The following CCDC40 variants were observed in gnomAD, a reference collection of about 807,000 sequenced individuals.
CCDC40 encodes coiled-coil domain-containing protein 40.
CCDC40 carries 104 observed loss-of-function variants against 124.5 expected under a neutral mutation model. That is an observed-to-expected ratio of 0.84 (90% CI 0.71 to 0.98). The LOEUF (loss-of-function observed/expected upper bound fraction) is 0.98, where lower values mean the gene tolerates loss of function less well. CCDC40 is among the 50% of genes least tolerant of loss of function. The pLI is 0.00. For missense variants in CCDC40, 1,463 were observed against 1,503.9 expected, an observed-to-expected ratio of 0.97 and a Z score of 0.45; for synonymous variants, 580 against 602.9, an observed-to-expected ratio of 0.96 and a Z score of 0.56.
intron 10 of CCDC40, among the ~76,000 whole-genome samples, chr17:80,077,170 G>A (rs528398578): frequency 5.3e-5 from 8 of 152,132 alleles, no homozygotes; most frequent in Admixed American, 3.9e-4. Context: ...GCTTAATTGC[G>A]GTGGCCTGCA....
intron 10 of CCDC40, among the ~76,000 whole-genome samples, chr17:80,077,054 T>C (rs1003213013): frequency 2.0e-5 from 3 of 152,158 alleles, no homozygotes; most frequent in Non-Finnish European, 4.4e-5. Context: ...GTACATTCTT[T>C]AGACATGATG....
chr17:80,060,558 CTA>C (rs2037871550), intron 9 of CCDC40, among the ~76,000 whole-genome samples: 1 of 150,788 alleles, frequency 6.6e-6, no homozygotes, highest in African/African-American at 2.4e-5. Context: ...ACTTAGAAGA[CTA>C]AATGCTCAAG....
rs780072831 is a variant in CCDC40, at chr17:80,087,807, C to T, written c.2619+31C>T. The T allele has an allele frequency of 6.2e-7, 1 of 1,608,238 alleles. No homozygotes were observed. The highest frequency in any genetic ancestry group is 2.2e-5 in the East Asian group (1 of 44,852). On this transcript the variant is annotated intron_variant, in intron 15 of 19. Coordinates refer to ENST00000397545, the MANE Select transcript of CCDC40 (RefSeq NM_017950.4). The surrounding 1 kb of genome is among the most constrained non-coding windows in gnomAD (Gnocchi z 4.5). ...GCCGTGTCCACGCAGTCCCGGGGCTCAGGACGATGGAGGGCGGGGGTACGG... is the reference window on the plus strand; with the variant it reads ...GCCGTGTCCACGCAGTCCCGGGGCTTAGGACGATGGAGGGCGGGGGTACGG...
chr17:80,066,052 C>G lies in CCDC40; in HGVS notation c.1562+446C>G. 1 of 701,860 alleles carries G rather than the reference C, an allele frequency of 1.4e-6. No individual in the cohort carries two copies. Among genetic ancestry groups the G allele is most frequent in the Non-Finnish European group, 2.6e-6 (1 of 384,408 alleles). 43.5% of individuals were successfully genotyped at this position (701,860 alleles called of 1,614,324 possible). A position where few individuals can be genotyped will look rare whatever the true frequency, so the allele number is the denominator to read the frequency against. ...GAGGCCTCCTCTGGGCATCCCCTCA[C>G]TTCTGGGGATGGATGCGTGGCTCAG... On this transcript the variant is annotated intron_variant, in intron 10 of 19. Coordinates refer to ENST00000397545, the MANE Select transcript of CCDC40 (RefSeq NM_017950.4). This position sits in a 1 kb window ranked among gnomAD's most constrained non-coding sequence, Gnocchi z 4.4.
In CCDC40 at chr17:80,087,840, G is replaced by A. The variant is rs1399121561; in HGVS notation, c.2619+64G>A. 18 of 1,486,626 alleles carry A rather than the reference G, an allele frequency of 1.2e-5. No individual in the cohort carries two copies. Among genetic ancestry groups the A allele is most frequent in the East Asian group, 1.1e-4 (5 of 44,262 alleles). 92.1% of individuals were successfully genotyped at this position (1,486,626 alleles called of 1,614,324 possible). A position where few individuals can be genotyped will look rare whatever the true frequency, so the allele number is the denominator to read the frequency against. On this transcript the variant is annotated intron_variant, in intron 15 of 19. Coordinates refer to ENST00000397545, the MANE Select transcript of CCDC40 (RefSeq NM_017950.4). This position sits in a 1 kb window ranked among gnomAD's most constrained non-coding sequence, Gnocchi z 4.5. Reference sequence around the variant, plus strand: ...TGGAGGGCGGGGGTACGGTCCTTGCGGTGGGCGTTCTGCACCAGGATGTAA... The same window carrying A: ...TGGAGGGCGGGGGTACGGTCCTTGCAGTGGGCGTTCTGCACCAGGATGTAA...
Position 80,095,355 on chromosome 17 carries a change from C to T in CCDC40, c.2925C>T (p.Ala975=), listed in dbSNP as rs776232255. 3.2e-5 allele frequency: 52 copies of T among 1,613,976 alleles called. No individual in the cohort carries two copies. The highest frequency in any genetic ancestry group is 4.2e-5 in the Non-Finnish European group (49 of 1,180,042). ...VARRETVTTQ[A]EGQRKMDRKA... ...GCAGAGAGACCGTCACCACCCAGGCCGAGGGGCAGCGCAAGATGGACAGGA... is the reference window on the plus strand; with the variant it reads ...GCAGAGAGACCGTCACCACCCAGGCTGAGGGGCAGCGCAAGATGGACAGGA... The change falls in exon 18 of 20, where the codon GCC becomes GCT. Residue 975 remains alanine (A), a synonymous_variant. Transcript: ENST00000397545.
intron 18 of CCDC40, among the ~76,000 whole-genome samples, chr17:80,095,924 T>C (rs1598554616): frequency 1.3e-5 from 2 of 152,246 alleles, no homozygotes; most frequent in East Asian, 3.9e-4. Context: ...GGTGGGCGCC[T>C]CGAGAGCCTG....
Position 80,040,277 on chromosome 17 carries a change from A to G in CCDC40, c.552+7A>G. On this transcript the variant is annotated splice_region_variant and intron_variant, in intron 3 of 19. Transcript: ENST00000397545. ...GCCAGCAGTGGGCAGATTGGTGAGT[A>G]GCCCTGACTTCTGTTTTGTGCCAGT... 1 of 1,612,176 alleles carries G rather than the reference A, an allele frequency of 6.2e-7. No individual in the cohort carries two copies. Among genetic ancestry groups the G allele is most frequent in the East Asian group, 2.2e-5 (1 of 44,818 alleles).
chr17:80,089,309 C>T (rs760416761), intron 16 of CCDC40, among the ~76,000 whole-genome samples: 15 of 152,194 alleles, frequency 9.9e-5, no homozygotes, highest in African/African-American at 3.4e-4. Flanking sequence ...GGATGAATAG[C>T]GCAGGGATCG....
rs116223994 is a variant in CCDC40 at position 80,052,211 on chromosome 17, G to A, written c.1159+1928G>A. Among the ~76,000 whole-genome samples, 536 of 152,302 alleles carry A rather than the reference G, an allele frequency of 3.5e-3. 1 individual carries two copies. The highest frequency in any genetic ancestry group is 0.012 in the African/African-American group (511 of 41,564). ...ATATAGAGAAAGGAGAGTTTATTCAGTATTGACACAGGATCACAAGGTCCC... is the reference window on the plus strand; with the variant it reads ...ATATAGAGAAAGGAGAGTTTATTCAATATTGACACAGGATCACAAGGTCCC... On this transcript the variant is annotated intron_variant, in intron 7 of 19. Transcript: ENST00000397545.
At chr17:80,084,562 A>G (rs997142213) in intron 12 of CCDC40, among the ~76,000 whole-genome samples, 181 bp from the exon 13 acceptor site, 1 of 152,170 alleles carries the variant, frequency 6.6e-6, no homozygotes, top group African/African-American at 2.4e-5. Context: ...CTGGGTTCCA[A>G]CAAGTAGGTC....
At chr17:80,051,906 C>T (rs373569798) in intron 7 of CCDC40, among the ~76,000 whole-genome samples, 18 of 152,228 alleles carry the variant, frequency 1.2e-4, no homozygotes, top group East Asian at 9.7e-4. Flanking sequence ...CAAAAAGATC[C>T]AAACACTCTG....
At chr17:80,097,052 A>C (rs1464118752) in intron 18 of CCDC40, among the ~76,000 whole-genome samples, 193 bp from the exon 19 acceptor site, 1 of 152,166 alleles carries the variant, frequency 6.6e-6, no homozygotes, top group Non-Finnish European at 1.5e-5. Flanking sequence ...GCCTTAAAGG[A>C]GCAGTGTGCA....
intron 3 of CCDC40, among the ~76,000 whole-genome samples, chr17:80,046,400 G>T (rs1255862745): frequency 2.0e-5 from 3 of 152,028 alleles, no homozygotes; most frequent in African/African-American, 7.3e-5. Context: ...CAGTGTGGTG[G>T]TGTGCACCTG....
rs369710741 is a variant in CCDC40, at chr17:80,058,479, C to T, written c.1160-15C>T. 1.5e-5 allele frequency: 24 copies of T among 1,612,738 alleles called. No homozygotes were observed. The highest frequency in any genetic ancestry group is 1.3e-4 in the African/African-American group (10 of 74,890). ...ACTCACTCTCTCTCTCTTTCTCCCCCGCCGCGCCCCGCAGTGGCGGCTCTG... is the reference window on the plus strand; with the variant it reads ...ACTCACTCTCTCTCTCTTTCTCCCCTGCCGCGCCCCGCAGTGGCGGCTCTG... On this transcript the variant is annotated splice_polypyrimidine_tract_variant and intron_variant, in intron 7 of 19. Coordinates refer to ENST00000397545, the MANE Select transcript of CCDC40 (RefSeq NM_017950.4). The surrounding 1 kb of genome is among the most constrained non-coding windows in gnomAD (Gnocchi z 4.2).
Position 80,090,214 on chromosome 17 carries a change from AAGAAC to A in CCDC40, c.2832+332_2832+336del. ...CGGGACGCACGCAGGCACGTGCACGAAGAACACGGGACGCGCGCAGGCACGTGCAC... is the reference window on the plus strand; with the variant it reads ...CGGGACGCACGCAGGCACGTGCACGAACGGGACGCGCGCAGGCACGTGCAC... On this transcript the variant is annotated intron_variant, in intron 17 of 19. Coordinates refer to ENST00000397545, the MANE Select transcript of CCDC40 (RefSeq NM_017950.4). The A allele has an allele frequency of 3.9e-6, 3 of 768,964 alleles. 1 individual carries two copies. The highest frequency in any genetic ancestry group is 5.8e-6 in the Non-Finnish European group (3 of 515,704). The allele number at this position is 768,964 out of a possible 1,614,324, so 47.6% of individuals were successfully genotyped here.
intron 17 of CCDC40, 36 bp downstream of exon 17, chr17:80,089,920 G>A (rs1567812759): frequency 2.5e-6 from 4 of 1,611,798 alleles, no homozygotes; most frequent in Non-Finnish European, 3.4e-6. Flanking sequence ...GGGCCTGCTG[G>A]GTGCCAGCCC....
In CCDC40 at chr17:80,039,935, G is replaced by C. The variant is rs753234372; in HGVS notation, c.217G>C (p.Gly73Arg). The C allele has an allele frequency of 1.9e-6, 3 of 1,613,300 alleles. No individual in the cohort carries two copies. Among genetic ancestry groups the C allele is most frequent in the Admixed American group, 1.7e-5 (1 of 59,976 alleles). ...AIEEGEVETE[G>R]EAAVEGEEEA... ...TGAAGAGGGGGAGGTGGAGACAGAAGGGGAAGCAGCAGTGGAAGGGGAAGA... is the reference window on the plus strand; with the variant it reads ...TGAAGAGGGGGAGGTGGAGACAGAACGGGAAGCAGCAGTGGAAGGGGAAGA... Residue 73 changes from glycine (G) to arginine (R), a missense_variant, in exon 3 of 20, where the codon GGG becomes CGG. Gly to Arg is a moderately radical substitution (Grantham distance 125). Coordinates refer to ENST00000397545, the MANE Select transcript of CCDC40 (RefSeq NM_017950.4).
At chr17:80,096,617 C>A (rs1197472303) in intron 18 of CCDC40, among the ~76,000 whole-genome samples, 1 of 151,152 alleles carries the variant, frequency 6.6e-6, no homozygotes, top group African/African-American at 2.4e-5. Context: ...TCAAGTTCTC[C>A]AGCCCCAGGC....
Sources: allele counts gnomAD v4.1 joint callset (sites outside exome capture counted in the v4.1 genomes callset), GRCh38; gene constraint gnomAD v4.1.1; non-coding constraint Gnocchi (gnomAD v3.1); transcripts MANE v1.5; gene names NCBI Gene and HGNC (gene_info 2026-07-23, HGNC 2026-07-21).